Variants in ZMIZ1 observed in about 807,000 individuals in gnomAD.
The protein encoded by ZMIZ1 is zinc finger MIZ domain-containing protein 1.
Under a neutral mutation model 113.9 loss-of-function variants are expected in ZMIZ1, and 17 were observed. The observed-to-expected ratio is 0.15, with a 90% CI of 0.10 to 0.22. The LOEUF (loss-of-function observed/expected upper bound fraction) is 0.22, where lower values mean the gene tolerates loss of function less well. Ranked by LOEUF, ZMIZ1 falls within the 10% of genes least tolerant of loss-of-function variation. The pLI, the probability that ZMIZ1 is intolerant of heterozygous loss-of-function variation, is 1.00. For missense variants in ZMIZ1, 1,059 were observed against 1,477.8 expected, an observed-to-expected ratio of 0.72 and a Z score of 4.65; for synonymous variants, 607 against 603.1, an observed-to-expected ratio of 1.01 and a Z score of -0.09.
intron 7 of ZMIZ1, among the ~76,000 whole-genome samples, chr10:79,243,223 A>G (rs1210517940): frequency 6.7e-6 from 1 of 149,868 alleles, no homozygotes; most frequent in Non-Finnish European, 1.5e-5. Context: ...AGCGCGGCGC[A>G]GAGCGCGGGC....
chr10:79,234,278 G>A (rs1050296700), intron 7 of ZMIZ1, among the ~76,000 whole-genome samples: 4 of 152,154 alleles, frequency 2.6e-5, no homozygotes, highest in Non-Finnish European at 5.9e-5. Context: ...AGGGAGAGAA[G>A]CAGAGGTGAC....
chr10:79,304,209 C>G (rs1057375217), intron 19 of ZMIZ1, 34 bp downstream of exon 19: 1 of 1,597,224 alleles, frequency 6.3e-7, no homozygotes, highest in Non-Finnish European at 8.6e-7. Context: ...CTCTGGCAAG[C>G]CACCTAGACT....
intron 22 of ZMIZ1, 131 bp downstream of exon 22, chr10:79,306,475 C>T (rs527321178): frequency 1.4e-6 from 2 of 1,434,250 alleles, no homozygotes; most frequent in African/African-American, 2.8e-5. Flanking sequence ...ACACATCCCC[C>T]AAAAAACAAT....
At chr10:79,144,046 T>C (rs1440606491) in intron 3 of ZMIZ1, among the ~76,000 whole-genome samples, 1 of 152,182 alleles carries the variant, frequency 6.6e-6, no homozygotes, top group African/African-American at 2.4e-5. Flanking sequence ...TGATGATGCA[T>C]GGCTCCGTGG....
chr10:79,258,545 G>T (rs1289581001), intron 7 of ZMIZ1, among the ~76,000 whole-genome samples: 3 of 152,226 alleles, frequency 2.0e-5, no homozygotes, highest in Non-Finnish European at 2.9e-5. Context: ...CAGAAATTCT[G>T]TTGGCCAGCA....
intron 1 of ZMIZ1, among the ~76,000 whole-genome samples, chr10:79,097,152 G>A (rs1271434401): frequency 4.6e-5 from 7 of 152,208 alleles, no homozygotes; most frequent in Admixed American, 2.0e-4. Context: ...GGGCTCAGGT[G>A]TGGACATGCC....
At position 79,139,681 on chromosome 10, in the gene ZMIZ1, G is replaced by A; in HGVS notation, c.-226-1G>A. ...GTCTCATCTCTCCCCTGTGTACCCA[G>A]GAGGAAGAGGAGGAGGCCCGTTGGC... On this transcript the variant is annotated splice_acceptor_variant, in intron 2 of 24. Coordinates refer to ENST00000334512, the MANE Select transcript of ZMIZ1 (RefSeq NM_020338.4). LOFTEE classifies it low-confidence loss of function (5UTR_SPLICE). The A allele has an allele frequency of 5.0e-6, 2 of 398,834 alleles. No homozygotes were observed. The highest frequency in any genetic ancestry group is 8.8e-5 in the Admixed American group (2 of 22,748). 24.7% of individuals were successfully genotyped at this position (398,834 alleles called of 1,614,324 possible). A position where few individuals can be genotyped will look rare whatever the true frequency, so the allele number is the denominator to read the frequency against.
Position 79,306,322 on chromosome 10 carries a change from C to G in ZMIZ1, c.2646C>G (p.Asn882Lys), listed in dbSNP as rs753370293. ...YPLPPPPGGT[N>K]SNDYSSQGNN... Reference sequence around the variant, plus strand: ...TCCCGCCTCCCCCAGGGGGCACCAACTCCAACGACTACAGCAGCCAAGGTG... The same window carrying G: ...TCCCGCCTCCCCCAGGGGGCACCAAGTCCAACGACTACAGCAGCCAAGGTG... The change falls in exon 22 of 25, where the codon AAC becomes AAG. Residue 882 changes from asparagine to lysine, a missense_variant. By Grantham distance (94) the Asn-to-Lys change is moderately conservative. Around this residue, in one of 6 missense-constraint regions of ZMIZ1, gnomAD observed 225 missense variants for 276.0 expected, o/e 0.82. Transcript: ENST00000334512. The G allele has an allele frequency of 7.4e-6, 12 of 1,611,486 alleles. No individual in the cohort carries two copies. The Admixed American group carries it at 1.7e-4, about 22-fold the overall frequency.
chr10:79,268,167 G>A (rs894555378), intron 7 of ZMIZ1, among the ~76,000 whole-genome samples: 5 of 152,210 alleles, frequency 3.3e-5, no homozygotes, highest in African/African-American at 4.8e-5. Context: ...GAACAGCAGC[G>A]CCGGCCCCTG....
intron 14 of ZMIZ1, 121 bp from the exon 15 acceptor site, chr10:79,298,285 G>C (rs372840861): frequency 1.8e-6 from 2 of 1,128,394 alleles, no homozygotes; most frequent in East Asian, 2.7e-5. Flanking sequence ...CCCTGGAGGA[G>C]GCTCTCCTCC....
chr10:79,136,554 T>TC (rs1564672777), intron 2 of ZMIZ1, among the ~76,000 whole-genome samples: 13 of 152,220 alleles, frequency 8.5e-5, no homozygotes, highest in South Asian at 2.1e-4. Flanking sequence ...AGGAGACCCT[T>TC]CTGGTCACTT....
At chr10:79,199,329 A>G (rs1462182370) in intron 4 of ZMIZ1, among the ~76,000 whole-genome samples, 2 of 152,048 alleles carry the variant, frequency 1.3e-5, no homozygotes, top group Non-Finnish European at 2.9e-5. Context: ...AACACAGTGA[A>G]ACCCCGTCTC....
At chr10:79,250,900 G>T (rs955587089) in intron 7 of ZMIZ1, among the ~76,000 whole-genome samples, 1 of 152,152 alleles carries the variant, frequency 6.6e-6, no homozygotes, top group Non-Finnish European at 1.5e-5. Context: ...TGGCACCCAC[G>T]GTGTCCTTGG....
chr10:79,124,243 A>G (rs1844420338), intron 2 of ZMIZ1, among the ~76,000 whole-genome samples: 1 of 152,164 alleles, frequency 6.6e-6, no homozygotes, highest in Non-Finnish European at 1.5e-5. Flanking sequence ...GGTCTGTAAA[A>G]TCAGAGGATT....
At chr10:79,146,240 C>T (rs565431487) in intron 3 of ZMIZ1, among the ~76,000 whole-genome samples, 53 of 152,272 alleles carry the variant, frequency 3.5e-4, no homozygotes, top group Non-Finnish European at 5.4e-4. Context: ...AGAGATGTGG[C>T]GTCCTTCTGT....
intron 1 of ZMIZ1, among the ~76,000 whole-genome samples, chr10:79,081,492 A>C (rs1842656463): frequency 6.6e-6 from 1 of 152,174 alleles, no homozygotes; most frequent in East Asian, 1.9e-4. Context: ...CTTTTCAAGC[A>C]GGGTCAGACA....
intron 7 of ZMIZ1, among the ~76,000 whole-genome samples, chr10:79,263,245 G>T (rs1207916380): frequency 6.6e-6 from 1 of 152,244 alleles, no homozygotes; most frequent in Non-Finnish European, 1.5e-5. Flanking sequence ...TCTTTGCAGG[G>T]TTTAGACCTC....
At chr10:79,224,492 CT>C (rs572360971) in intron 7 of ZMIZ1, among the ~76,000 whole-genome samples, 44 of 152,222 alleles carry the variant, frequency 2.9e-4, no homozygotes, top group African/African-American at 1.0e-3. Context: ...ACTGGCCCCC[CT>C]GCCTACAGAG....
intron 6 of ZMIZ1, among the ~76,000 whole-genome samples, chr10:79,211,907 C>T (rs947820589): frequency 6.6e-6 from 1 of 152,236 alleles, no homozygotes; most frequent in Non-Finnish European, 1.5e-5. Context: ...TTCACATCAG[C>T]AGGCCTCTCC....
Sources: gnomAD v4.1 joint callset for allele counts (sites outside exome capture counted in the v4.1 genomes callset) on GRCh38, gnomAD v4.1.1 for gene constraint, gnomAD v4.1.1 regional missense constraint, MANE v1.5 for transcripts, NCBI Gene and HGNC (gene_info 2026-07-23, HGNC 2026-07-21) for gene names.